The following WNT7A variants were observed in gnomAD, a reference collection of about 807,000 sequenced individuals.
WNT7A encodes the protein protein Wnt-7a.
WNT7A carries 16 observed loss-of-function variants against 28.2 expected under a neutral mutation model. The ratio of observed to expected loss-of-function variants is 0.57; its 90% CI spans 0.38 to 0.86. The LOEUF (loss-of-function observed/expected upper bound fraction) is 0.86. WNT7A is among the 40% of genes least tolerant of loss of function. The pLI is 0.00. For synonymous variants in WNT7A, 190 were observed against 195.9 expected, an observed-to-expected ratio of 0.97 and a Z score of 0.25; for missense variants, 411 against 489.7, an observed-to-expected ratio of 0.84 and a Z score of 1.52.
intron 3 of WNT7A, among the ~76,000 whole-genome samples, chr3:13,830,337 G>A (rs1694261404): frequency 6.6e-6 from 1 of 152,084 alleles, no homozygotes; most frequent in Admixed American, 6.5e-5. Flanking sequence ...GCCATGCCTG[G>A]GTCAGACTCC....
intron 2 of WNT7A, among the ~76,000 whole-genome samples, chr3:13,866,104 G>T (rs1403586730): frequency 6.6e-6 from 1 of 152,182 alleles, no homozygotes; most frequent in Non-Finnish European, 1.5e-5. Context: ...AGTACCCTCT[G>T]TGCCATCTCC....
Position 13,818,928 on chromosome 3 carries a change from G to A in WNT7A, c.*16C>T. 2 of 1,555,444 alleles carry A rather than the reference G, an allele frequency of 1.3e-6. No homozygotes were observed. The highest frequency in any genetic ancestry group is 1.2e-5 in the South Asian group (1 of 81,406). Reference sequence around the variant, plus strand: ...GCAATCTGACTTGCAGCGGGAGGGTGGTGTGCACACGGGGCTCACTTGCAC... The same window carrying A: ...GCAATCTGACTTGCAGCGGGAGGGTAGTGTGCACACGGGGCTCACTTGCAC... On this transcript the variant is annotated 3_prime_UTR_variant, in exon 4 of 4. Coordinates refer to ENST00000285018, the MANE Select transcript of WNT7A (RefSeq NM_004625.4).
intron 2 of WNT7A, among the ~76,000 whole-genome samples, chr3:13,873,407 A>T (rs966649521): frequency 1.3e-5 from 2 of 151,930 alleles, no homozygotes; most frequent in African/African-American, 4.8e-5. Flanking sequence ...TTGGGATGGT[A>T]TGGATTCAAC....
At chr3:13,856,359 G>A (rs1297696728) in intron 2 of WNT7A, among the ~76,000 whole-genome samples, 2 of 152,278 alleles carry the variant, frequency 1.3e-5, no homozygotes, top group African/African-American at 4.8e-5. Flanking sequence ...GTCAAATGCA[G>A]AAATGCATAG....
intron 1 of WNT7A, 92 bp from the exon 2 acceptor site, chr3:13,875,265 A>C: frequency 7.4e-7 from 1 of 1,356,332 alleles, no homozygotes; most frequent in Admixed American, 1.8e-5. Context: ...TGGCCACCCC[A>C]CTGCCCCCAG....
At chr3:13,846,202 A>G (rs137958054) in intron 3 of WNT7A, among the ~76,000 whole-genome samples, 5 of 152,228 alleles carry the variant, frequency 3.3e-5, no homozygotes, top group Non-Finnish European at 7.3e-5. Context: ...CCACAACCCA[A>G]ATGACCACAT....
At chr3:13,838,635 G>C (rs1694407441) in intron 3 of WNT7A, among the ~76,000 whole-genome samples, 2 of 152,224 alleles carry the variant, frequency 1.3e-5, no homozygotes. Context: ...AGGGCTTCAA[G>C]GGGACCTGGT....
chr3:13,879,219 G>A (rs963569397), intron 1 of WNT7A, among the ~76,000 whole-genome samples: 4 of 152,214 alleles, frequency 2.6e-5, no homozygotes, highest in African/African-American at 9.6e-5. Context: ...TTTTGCCAGC[G>A]AATGTCCTTC....
At chr3:13,865,097 C>G (rs1694890636) in intron 2 of WNT7A, among the ~76,000 whole-genome samples, 1 of 152,154 alleles carries the variant, frequency 6.6e-6, no homozygotes, top group Admixed American at 6.5e-5. Flanking sequence ...GTGATATTCC[C>G]CAGTGTGTGT....
At position 13,854,517 on chromosome 3, in the gene WNT7A, T is replaced by C. The variant is rs761713122; in HGVS notation, c.570+15A>G. 1.1e-5 allele frequency: 18 copies of C among 1,613,998 alleles called. No homozygotes were observed. The highest frequency in any genetic ancestry group is 1.7e-6 in the Non-Finnish European group (2 of 1,180,036). ...CTCCGCGAGCGCCGCCCAGCTGCCCTCCCTGGCTTCCTACCTTTCGGCCTG... is the reference window on the plus strand; with the variant it reads ...CTCCGCGAGCGCCGCCCAGCTGCCCCCCCTGGCTTCCTACCTTTCGGCCTG... On this transcript the variant is annotated intron_variant, in intron 3 of 3. Transcript: ENST00000285018.
chr3:13,874,847 C>T, intron 2 of WNT7A, 100 bp downstream of exon 2: 2 of 1,225,566 alleles, frequency 1.6e-6, no homozygotes, highest in Non-Finnish European at 2.4e-6. Flanking sequence ...GAGGGATATT[C>T]TAGCAGGGGC....
chr3:13,841,288 T>C lies in WNT7A; in HGVS notation c.570+13244A>G, dbSNP rs991895584. ...CAGGAACCAGTTTTTAGTGATCTGT[T>C]CGTCTCTAAAACGTCGCACCTAAGG... On this transcript the variant is annotated intron_variant, in intron 3 of 3. Transcript: ENST00000285018. Among the ~76,000 whole-genome samples the C allele has an allele frequency of 2.6e-5, 4 of 152,216 alleles. No homozygotes were observed. In the South Asian group the frequency reaches 8.3e-4, roughly 32 times the overall value.
chr3:13,820,922 C>T (rs1366238944), intron 3 of WNT7A, among the ~76,000 whole-genome samples: 1 of 152,202 alleles, frequency 6.6e-6, no homozygotes, highest in African/African-American at 2.4e-5. Flanking sequence ...GGTTCCAGAA[C>T]ACCTGGCATC....
chr3:13,825,310 T>C (rs1419234796), intron 3 of WNT7A, among the ~76,000 whole-genome samples: 1 of 152,170 alleles, frequency 6.6e-6, no homozygotes, highest in Non-Finnish European at 1.5e-5. Flanking sequence ...TCCCTCATGG[T>C]TTCCATGGCT....
intron 2 of WNT7A, among the ~76,000 whole-genome samples, chr3:13,856,893 AAAGAAGAAG>A (rs775537679): frequency 0.048 from 3,495 of 72,662 alleles, 111 homozygotes; most frequent in Middle Eastern, 0.076. Context: ...AGAAGAAGAA[AAAGAAGAAG>A]AAGAAGAAGA....
At chr3:13,826,083 C>T (rs1035338033) in intron 3 of WNT7A, among the ~76,000 whole-genome samples, 6 of 152,190 alleles carry the variant, frequency 3.9e-5, no homozygotes, top group Admixed American at 2.6e-4. Context: ...ACTCATGCAC[C>T]TGTTTCACAG....
chr3:13,875,012 C>T lies in WNT7A; in HGVS notation c.233G>A (p.Arg78His), dbSNP rs866717058. 4.3e-6 allele frequency: 7 copies of T among 1,614,204 alleles called. No individual in the cohort carries two copies. The highest frequency in any genetic ancestry group is 4.5e-5 in the East Asian group (2 of 44,878). The change falls in exon 2 of 4, where the codon CGC (arginine) becomes CAC (histidine). Residue 78 changes from arginine to histidine, a missense_variant. Physicochemically the swap from Arg to His is conservative, Grantham distance 29. Coordinates refer to ENST00000285018, the MANE Select transcript of WNT7A (RefSeq NM_004625.4). ...MGLDECQFQF[R>H]NGRWNCSALG... The stretch of plus-strand genomic sequence containing the variant: ...TGCAGAGCAGTTCCAGCGGCCATTG[C>T]GGAACTGAAACTGACACTCGTCCAG...
intron 3 of WNT7A, among the ~76,000 whole-genome samples, chr3:13,837,461 C>T (rs887641929): frequency 6.6e-6 from 1 of 152,022 alleles, no homozygotes; most frequent in Non-Finnish European, 1.5e-5. Context: ...AAACACAGAG[C>T]CCCCATCTGC....
chr3:13,878,868 G>A (rs1695157742), intron 1 of WNT7A, among the ~76,000 whole-genome samples: 1 of 152,118 alleles, frequency 6.6e-6, no homozygotes, highest in African/African-American at 2.4e-5. Flanking sequence ...AAGTACAAAG[G>A]GTGACCGGCT....
Sources: allele counts gnomAD v4.1 joint callset (sites outside exome capture counted in the v4.1 genomes callset), GRCh38; gene constraint gnomAD v4.1.1; transcripts MANE v1.5; gene names NCBI Gene and HGNC (gene_info 2026-07-23, HGNC 2026-07-21).